LRBA: variants seen among roughly 807,000 people sequenced by gnomAD.
LRBA encodes lipopolysaccharide-responsive and beige-like anchor protein.
LRBA carries 176 observed loss-of-function variants against 330.0 expected under a neutral mutation model. That is an observed-to-expected ratio of 0.53 (90% CI 0.47 to 0.60). The LOEUF (loss-of-function observed/expected upper bound fraction) is 0.60, where lower values mean the gene tolerates loss of function less well. Ranked by LOEUF, LRBA falls within the 20% of genes least tolerant of loss-of-function variation. The pLI, the probability that LRBA is intolerant of heterozygous loss-of-function variation, is 0.00. For missense variants in LRBA, 3,259 were observed against 3,444.8 expected (o/e 0.95, Z 1.35); for synonymous variants, 1,230 against 1,193.0 (o/e 1.03, Z -0.64).
At chr4:150,383,826 A>T (rs1742650881) in intron 47 of LRBA, among the ~76,000 whole-genome samples, 1 of 152,138 alleles carries the variant, frequency 6.6e-6, no homozygotes, top group Non-Finnish European at 1.5e-5. Flanking sequence ...TTAGAACAAG[A>T]CACTCTCAAA....
In LRBA at chr4:150,265,750, C is replaced by T. The variant is rs1323561325; in HGVS notation, c.8531G>A (p.Trp2844Ter). The change falls in exon 57 of 57, where the codon TGG becomes TAG. Residue 2844 changes from tryptophan (W) to a stop codon, truncating the protein, a stop_gained. Coordinates refer to ENST00000651943, the MANE Select transcript of LRBA (RefSeq NM_001364905.1). LOFTEE classifies it high-confidence loss of function. ...GTAGCGGGTTTGGTATTCATGATGCCACCGGTTAAAGTCGTTGTAAAATAG... is the reference window on the plus strand; with the variant it reads ...GTAGCGGGTTTGGTATTCATGATGCTACCGGTTAAAGTCGTTGTAAAATAG... ...IVLFYNDFNR[W>*]HHEYQTRY 14 of 1,613,482 alleles carry T rather than the reference C, an allele frequency of 8.7e-6. No individual in the cohort carries two copies. Among genetic ancestry groups the T allele is most frequent in the Admixed American group, 3.3e-5 (2 of 59,990 alleles).
At chr4:150,808,087 A>G (rs1274234269) in intron 32 of LRBA, among the ~76,000 whole-genome samples, 2 of 152,304 alleles carry the variant, frequency 1.3e-5, no homozygotes, top group East Asian at 3.9e-4. Context: ...GTCACTTCTC[A>G]TGAAGTGACT....
intron 55 of LRBA, 109 bp downstream of exon 55, chr4:150,282,341 G>A: frequency 2.2e-6 from 2 of 925,554 alleles, no homozygotes; most frequent in Non-Finnish European, 3.4e-6. Context: ...TGGAAAAGAG[G>A]CCCTCGGCAA....
chr4:150,971,633 A>G (rs745846486), intron 2 of LRBA, among the ~76,000 whole-genome samples: 5 of 152,224 alleles, frequency 3.3e-5, no homozygotes, highest in Non-Finnish European at 7.3e-5. Context: ...TTCAGTACAG[A>G]GTACTTAGAT....
At chr4:150,658,393 T>C in intron 37 of LRBA, among the ~76,000 whole-genome samples, 1 of 150,720 alleles carries the variant, frequency 6.6e-6, no homozygotes, top group Non-Finnish European at 1.5e-5. Flanking sequence ...TCTTTCCTTA[T>C]TAGATAAATA....
chr4:150,704,743 T>G (rs1416459805), intron 36 of LRBA, among the ~76,000 whole-genome samples: 3 of 152,160 alleles, frequency 2.0e-5, no homozygotes, highest in African/African-American at 7.2e-5. Flanking sequence ...TAATTTGTAA[T>G]AAATTGATAA....
intron 9 of LRBA, among the ~76,000 whole-genome samples, chr4:150,911,918 CAGT>C (rs1344397521): frequency 6.6e-6 from 1 of 152,076 alleles, no homozygotes; most frequent in Non-Finnish European, 1.5e-5. Flanking sequence ...GATTCAGTCT[CAGT>C]AGGATGTATA....
In LRBA at chr4:150,265,598, T is replaced by C. The variant is rs147972105; in HGVS notation, c.*124A>G. The C allele has an allele frequency of 2.2e-4, 142 of 651,470 alleles. 1 individual carries two copies. In the East Asian group the frequency reaches 2.3e-3, roughly 10 times the overall value. The allele number at this position is 651,470 out of a possible 1,614,324, so 40.4% of individuals were successfully genotyped here. A position where few individuals can be genotyped will look rare whatever the true frequency, so the allele number is the denominator to read the frequency against. On this transcript the variant is annotated 3_prime_UTR_variant, in exon 57 of 57. Transcript: ENST00000651943. The stretch of plus-strand genomic sequence containing the variant: ...AGACTACAAAAATAGCAATTATTAA[T>C]AACTTTAAAAAATATTTTGCTTCTT...
At chr4:150,570,713 G>A (rs572460391) in intron 40 of LRBA, among the ~76,000 whole-genome samples, 1 of 152,198 alleles carries the variant, frequency 6.6e-6, no homozygotes, top group South Asian at 2.1e-4. Context: ...CTCAGCACAT[G>A]TGATTCTGTG....
At chr4:150,892,649 A>T (rs1729588788) in intron 17 of LRBA, among the ~76,000 whole-genome samples, 2 of 152,242 alleles carry the variant, frequency 1.3e-5, no homozygotes, top group Non-Finnish European at 2.9e-5. Context: ...CACAAATACA[A>T]TGTTGAGTCA....
At chr4:150,336,739 C>G (rs1734804327) in intron 48 of LRBA, among the ~76,000 whole-genome samples, 1 of 152,184 alleles carries the variant, frequency 6.6e-6, no homozygotes. Flanking sequence ...GCACATTAAA[C>G]TGAGTCCCAA....
At chr4:150,410,642 G>GT (rs964505398) in intron 47 of LRBA, among the ~76,000 whole-genome samples, 1 of 152,114 alleles carries the variant, frequency 6.6e-6, no homozygotes, top group Non-Finnish European at 1.5e-5. Flanking sequence ...TTTCAACAAG[G>GT]TATCAAAGAG....
chr4:150,750,304 T>C (rs1387684335), intron 35 of LRBA, among the ~76,000 whole-genome samples: 2 of 152,214 alleles, frequency 1.3e-5, no homozygotes, highest in African/African-American at 4.8e-5. Context: ...ACCTGGCACA[T>C]GGATTATAAT....
intron 42 of LRBA, among the ~76,000 whole-genome samples, chr4:150,472,801 A>G (rs1756293554): frequency 6.6e-6 from 1 of 152,120 alleles, no homozygotes; most frequent in African/African-American, 2.4e-5. Flanking sequence ...GAGGTTTATC[A>G]ATATGGTAGC....
At chr4:150,843,084 T>C (rs183153229) in intron 28 of LRBA, among the ~76,000 whole-genome samples, 2 of 152,284 alleles carry the variant, frequency 1.3e-5, no homozygotes, top group East Asian at 3.9e-4. Flanking sequence ...GGAGCTTGGC[T>C]TCACTCCTCA....
chr4:150,541,848 T>TA (rs930004238), intron 40 of LRBA, among the ~76,000 whole-genome samples: 3 of 152,012 alleles, frequency 2.0e-5, no homozygotes, highest in African/African-American at 4.8e-5. Flanking sequence ...CTGGCTAATT[T>TA]AAAAAAAATT....
intron 36 of LRBA, among the ~76,000 whole-genome samples, chr4:150,695,787 T>A (rs761417336): frequency 6.6e-6 from 1 of 152,226 alleles, no homozygotes; most frequent in Non-Finnish European, 1.5e-5. Flanking sequence ...AAGAGTTAGA[T>A]GATCTTAAGC....
intron 34 of LRBA, among the ~76,000 whole-genome samples, chr4:150,776,924 C>A (rs1234226550): frequency 6.6e-6 from 1 of 152,022 alleles, no homozygotes; most frequent in African/African-American, 2.4e-5. Context: ...AGGTATTTAT[C>A]CAAGATTATT....
chr4:150,301,645 T>C (rs551119268), intron 53 of LRBA, among the ~76,000 whole-genome samples: 2 of 152,212 alleles, frequency 1.3e-5, no homozygotes, highest in African/African-American at 4.8e-5. Flanking sequence ...AAGAACAGCT[T>C]TGAGAAGTCA....
Sources: gnomAD v4.1 joint callset for allele counts (sites outside exome capture counted in the v4.1 genomes callset) on GRCh38, gnomAD v4.1.1 for gene constraint, MANE v1.5 for transcripts, NCBI Gene and HGNC (gene_info 2026-07-23, HGNC 2026-07-21) for gene names.